The following PCDHA3 variants were observed in gnomAD, a reference collection of about 807,000 sequenced individuals.
PCDHA3 encodes protocadherin alpha 3, also known as protocadherin alpha-3.
In PCDHA3, 41 loss-of-function variants were observed where a neutral mutation model predicts 62.2. The observed-to-expected ratio is 0.66, with a 90% CI of 0.51 to 0.86. The LOEUF (loss-of-function observed/expected upper bound fraction) is 0.86. Ranked by LOEUF, PCDHA3 falls within the 40% of genes least tolerant of loss-of-function variation. The pLI, the probability that PCDHA3 is intolerant of heterozygous loss-of-function variation, is 0.00. For missense variants in PCDHA3, 1,304 were observed against 1,241.2 expected, an observed-to-expected ratio of 1.05 and a Z score of -0.76; for synonymous variants, 640 against 555.4, an observed-to-expected ratio of 1.15 and a Z score of -2.14.
At chr5:140,978,769 T>C in intron 1 of PCDHA3, 180 bp from the exon 2 acceptor site, 1 of 957,338 alleles carries the variant, frequency 1.0e-6, no homozygotes, top group Non-Finnish European at 1.2e-6. Flanking sequence ...CCTGATGAAC[T>C]AATTTTCTTC....
intron 1 of PCDHA3, chr5:140,810,926 A>T (rs1382106901): frequency 6.6e-6 from 1 of 152,104 alleles, no homozygotes; most frequent in African/African-American, 2.4e-5. Context: ...TTCATTGTTT[A>T]CATTACATCT....
rs745800805 is a variant in PCDHA3, at chr5:140,935,890, T to C, written c.2395-43059T>C. 2.5e-4 allele frequency among the ~76,000 whole-genome samples: 34 copies of C among 135,750 alleles called. 1 individual carries two copies. Among genetic ancestry groups the C allele is most frequent in the Non-Finnish European group, 4.4e-4 (27 of 61,954 alleles). 89.1% of individuals were successfully genotyped at this position (135,750 alleles called of 152,430 possible). A position where few individuals can be genotyped will look rare whatever the true frequency, so the allele number is the denominator to read the frequency against. On this transcript the variant is annotated intron_variant, in intron 1 of 3. Coordinates refer to ENST00000522353, the MANE Select transcript of PCDHA3 (RefSeq NM_018906.3). ...ATTAATGAGCTCCAATTTATCAATA[T>C]TATCTTTTTTTTTTTTTTTTGAGAC...
chr5:140,903,823 G>A (rs1303323584), intron 1 of PCDHA3, among the ~76,000 whole-genome samples: 1 of 152,048 alleles, frequency 6.6e-6, no homozygotes, highest in Non-Finnish European at 1.5e-5. Flanking sequence ...TCACATGAAT[G>A]TCTGTTGGTA....
intron 1 of PCDHA3, chr5:140,884,343 C>T (rs368888498): frequency 1.2e-6 from 2 of 1,613,900 alleles, no homozygotes; most frequent in Non-Finnish European, 1.7e-6. Context: ...CCAGAAGCGG[C>T]GCTGGTGGAT....
intron 3 of PCDHA3, among the ~76,000 whole-genome samples, chr5:140,989,753 A>G (rs1349273749): frequency 6.6e-6 from 1 of 152,224 alleles, no homozygotes; most frequent in Admixed American, 6.5e-5. Context: ...ATCTGGAGAA[A>G]CATATTCAGT....
chr5:140,843,891 A>G (rs1554140482), intron 1 of PCDHA3: 1 of 685,390 alleles, frequency 1.5e-6, no homozygotes, highest in Non-Finnish European at 2.4e-6. Context: ...TACAGTATTA[A>G]TCATTCTCCA....
chr5:140,842,688 C>T (rs2150342065), intron 1 of PCDHA3: 3 of 1,595,284 alleles, frequency 1.9e-6, no homozygotes, highest in Non-Finnish European at 1.7e-6. Flanking sequence ...CCGGCGTTCG[C>T]GCAGCCCGAG....
intron 1 of PCDHA3, among the ~76,000 whole-genome samples, chr5:140,913,435 C>T (rs2153526525): frequency 6.6e-6 from 1 of 152,202 alleles, no homozygotes; most frequent in South Asian, 2.1e-4. Context: ...GTAATGCCTC[C>T]TTTTTCAGCT....
At chr5:141,009,389 G>A (rs1234679148) in intron 3 of PCDHA3, among the ~76,000 whole-genome samples, 1 of 152,178 alleles carries the variant, frequency 6.6e-6, no homozygotes, top group Non-Finnish European at 1.5e-5. Context: ...AGCACAGGAG[G>A]TCGAGGCTGC....
chr5:140,826,816 T>A (rs1769068230), intron 1 of PCDHA3, among the ~76,000 whole-genome samples: 1 of 152,138 alleles, frequency 6.6e-6, no homozygotes. Context: ...TGTGATTACA[T>A]ATTAGGTTAC....
intron 1 of PCDHA3, chr5:140,868,490 A>G (rs1383994336): frequency 6.6e-6 from 1 of 152,330 alleles, no homozygotes; most frequent in African/African-American, 2.4e-5. Flanking sequence ...TTTTTCTTTG[A>G]GTTCCCTAGC....
At chr5:140,858,366 G>A (rs2045372675) in intron 1 of PCDHA3, 1 of 1,590,834 alleles carries the variant, frequency 6.3e-7, no homozygotes, top group Admixed American at 1.7e-5. Flanking sequence ...TTCAGCCCCA[G>A]CCTTCCACCA....
chr5:140,801,714 G>T lies in PCDHA3; in HGVS notation c.517G>T (p.Asp173Tyr). ...AAATTCGTTGTTGACTTACAGTCTT[G>T]ATTCCACTGAATATTTTACCTTGGA... ...GTNSLLTYSL[D>Y]STEYFTLDVK... is the part of the protein sequence containing the mutation. Residue 173 changes from aspartate (D) to tyrosine (Y), a missense_variant, in exon 1 of 4, where the codon GAT becomes TAT. Coordinates refer to ENST00000522353, the MANE Select transcript of PCDHA3 (RefSeq NM_018906.3). The T allele has an allele frequency of 6.2e-7, 1 of 1,614,128 alleles. No homozygotes were observed.
chr5:140,954,225 A>G (rs1554221300), intron 1 of PCDHA3, among the ~76,000 whole-genome samples: 1 of 152,242 alleles, frequency 6.6e-6, no homozygotes, highest in Admixed American at 6.5e-5. Context: ...TGCTATTGTG[A>G]ATAGTGCTGC....
chr5:140,941,467 C>G (rs1290341607), intron 1 of PCDHA3, among the ~76,000 whole-genome samples: 4 of 151,456 alleles, frequency 2.6e-5, no homozygotes, highest in Non-Finnish European at 5.9e-5. Context: ...AGGCGCCCAC[C>G]ACCACGCCTG....
intron 1 of PCDHA3, chr5:140,823,059 C>T (rs2150121787): frequency 6.2e-7 from 1 of 1,614,128 alleles, no homozygotes; most frequent in Non-Finnish European, 8.5e-7. Context: ...CCGCGCGGGA[C>T]GGGGGCTCGC....
chr5:140,806,824 C>A (rs1020987259), intron 1 of PCDHA3: 3 of 232,678 alleles, frequency 1.3e-5, no homozygotes, highest in Middle Eastern at 4.6e-4. Context: ...GCCCCTATGG[C>A]GAAACTAAGG....
chr5:140,879,943 G>C (rs1554171086), intron 1 of PCDHA3, among the ~76,000 whole-genome samples: 1 of 152,078 alleles, frequency 6.6e-6, no homozygotes, highest in Non-Finnish European at 1.5e-5. Flanking sequence ...ATTGTATTTA[G>C]GGCCCATCTG....
chr5:140,823,464 G>C, intron 1 of PCDHA3: 1 of 1,613,420 alleles, frequency 6.2e-7, no homozygotes, highest in Non-Finnish European at 8.5e-7. Context: ...ACGCGCCGGC[G>C]CTGCTGGTGC....
Sources: allele counts gnomAD v4.1 joint callset (sites outside exome capture counted in the v4.1 genomes callset), GRCh38; gene constraint gnomAD v4.1.1; transcripts MANE v1.5; gene names NCBI Gene and HGNC (gene_info 2026-07-23, HGNC 2026-07-21).